Variants in KIF13A observed in about 807,000 individuals in gnomAD.
KIF13A encodes kinesin-like protein KIF13A.
KIF13A carries 79 observed loss-of-function variants against 212.2 expected under a neutral mutation model. The observed-to-expected ratio is 0.37, with a 90% confidence interval of 0.31 to 0.45. The LOEUF is 0.45. Ranked by LOEUF, KIF13A falls within the 20% of genes least tolerant of loss-of-function variation. KIF13A has a pLI of 1.00. For synonymous variants in KIF13A, 789 were observed against 808.6 expected, an observed-to-expected ratio of 0.98 and a Z score of 0.41; for missense variants, 1,901 against 2,209.0, an observed-to-expected ratio of 0.86 and a Z score of 2.79.
intron 32 of KIF13A, 136 bp from the exon 33 acceptor site, chr6:17,779,235 G>C (rs1376776059): frequency 1.2e-5 from 3 of 253,724 alleles, no homozygotes; most frequent in African/African-American, 1.1e-4. Context: ...TTTTAAAGTA[G>C]CATATATATA....
At position 17,836,963 on chromosome 6, in the gene KIF13A, A is replaced by C; in HGVS notation, c.1070T>G (p.Val357Gly). 6.2e-7 allele frequency: 1 copy of C among 1,613,824 alleles called. No homozygotes were observed. The highest frequency in any genetic ancestry group is 8.5e-7 in the Non-Finnish European group (1 of 1,179,860). ...TTTTGCGTTGGGGTCCTCATTCACA[A>C]CAGCATGGTTCACAATCCTTTTGGC... is the stretch of plus-strand genomic sequence containing the variant. ...DRAKRIVNHA[V>G]VNEDPNAKVI... Residue 357 changes from valine to glycine, a missense_variant, in exon 11 of 39, where the codon GTT (valine) becomes GGT (glycine). Val to Gly is a moderately radical substitution (Grantham distance 109). Transcript: ENST00000259711.
intron 38 of KIF13A, among the ~76,000 whole-genome samples, chr6:17,766,219 G>GATTGATTGATTT (rs1554158989): frequency 1.5e-4 from 22 of 144,656 alleles, no homozygotes; most frequent in African/African-American, 5.4e-4. Flanking sequence ...TTATTTTTAA[G>GATTGATTGATTT]ATTTATTTAT....
chr6:17,828,360 C>G lies in KIF13A; in HGVS notation c.1412G>C (p.Arg471Thr), dbSNP rs772022917. 3.7e-6 allele frequency: 6 copies of G among 1,609,446 alleles called. No individual in the cohort carries two copies. Among genetic ancestry groups the G allele is most frequent in the Non-Finnish European group, 5.1e-6 (6 of 1,178,094 alleles). The change falls in exon 14 of 39, where the codon AGG becomes ACG. Residue 471 changes from arginine to threonine, a missense_variant. Physicochemically the swap from Arg to Thr is moderately conservative, Grantham distance 71 (BLOSUM62 -1). This residue lies in a region of KIF13A where 506 missense variants were observed against 637.4 expected (regional missense o/e 0.79). Coordinates refer to ENST00000259711, the MANE Select transcript of KIF13A (RefSeq NM_022113.6). This position sits in a 1 kb window ranked among gnomAD's most constrained non-coding sequence, Gnocchi z 4.3. ...LLVYYLKDHT[R>T]VGADTSQDIQ... ...ATCTTGAGAGGTATCTGCACCCACC[C>G]TGGTGTGATCCTAGTAAAAGATTAT...
In KIF13A at chr6:17,829,143, C is replaced by G. The variant is rs1424814076; in HGVS notation, c.1402-773G>C. On this transcript the variant is annotated intron_variant, in intron 13 of 38. Coordinates refer to ENST00000259711, the MANE Select transcript of KIF13A (RefSeq NM_022113.6). The surrounding 1 kb of genome is among the most constrained non-coding windows in gnomAD (Gnocchi z 5.4). Reference sequence around the variant, plus strand: ...TTATTTTTAGTACAGATGGGGGTTTCACCATGTTCGCCAGCCTGGTCTTGA... The same window carrying G: ...TTATTTTTAGTACAGATGGGGGTTTGACCATGTTCGCCAGCCTGGTCTTGA... Among the ~76,000 whole-genome samples, 1 of 152,138 alleles carries G rather than the reference C, an allele frequency of 6.6e-6. No homozygotes were observed. The highest frequency in any genetic ancestry group is 2.4e-5 in the African/African-American group (1 of 41,434).
At chr6:17,805,675 C>T (rs1280240971) in intron 18 of KIF13A, 60 bp from the exon 19 acceptor site, 1 of 1,462,624 alleles carries the variant, frequency 6.8e-7, no homozygotes, top group Non-Finnish European at 9.3e-7. Context: ...ATTGCTAAAG[C>T]AATATATATA....
chr6:17,869,019 A>AACACAC (rs1554187444), intron 4 of KIF13A, among the ~76,000 whole-genome samples: 3 of 126,514 alleles, frequency 2.4e-5, no homozygotes, highest in Non-Finnish European at 3.4e-5. Context: ...AAAAAAAAAA[A>AACACAC]ACACAAATAA....
rs1761019684 is a variant in KIF13A at position 17,785,917 on chromosome 6, C to CA, written c.3362-277dup. Among the ~76,000 whole-genome samples, 2 of 151,984 alleles carry CA rather than the reference C, an allele frequency of 1.3e-5. No individual in the cohort carries two copies. The stretch of plus-strand genomic sequence containing the variant: ...GGGCAACAGACAAGAGACCCTGTCT[C>CA]AAAAAACAAGCAAACAAAAACAATA... On this transcript the variant is annotated intron_variant, in intron 27 of 38. Transcript: ENST00000259711. This position sits in a 1 kb window ranked among gnomAD's most constrained non-coding sequence, Gnocchi z 5.8.
rs560470160 is a variant in KIF13A at position 17,783,064 on chromosome 6, G to T, written c.3544+582C>A. On this transcript the variant is annotated intron_variant, in intron 29 of 38. Transcript: ENST00000259711. The surrounding 1 kb of genome is among the most constrained non-coding windows in gnomAD (Gnocchi z 4.3). ...AGGTTTTCAGGCTGTGTTTTGAGGA[G>T]CCCTAGGGCCCTGCCAAAGGATCTA... Among the ~76,000 whole-genome samples the T allele has an allele frequency of 6.6e-6, 1 of 152,200 alleles. No homozygotes were observed. The highest frequency in any genetic ancestry group is 1.5e-5 in the Non-Finnish European group (1 of 68,036).
At chr6:17,965,836 C>A (rs1220786353) in intron 2 of KIF13A, among the ~76,000 whole-genome samples, 1 of 152,174 alleles carries the variant, frequency 6.6e-6, no homozygotes, top group East Asian at 1.9e-4. Flanking sequence ...AAAAGACGTA[C>A]AATCTTTATT....
intron 3 of KIF13A, among the ~76,000 whole-genome samples, chr6:17,885,337 T>G (rs1332582392): frequency 6.6e-6 from 1 of 152,240 alleles, no homozygotes; most frequent in Non-Finnish European, 1.5e-5. Flanking sequence ...TATTGACAGA[T>G]CTACCTTCCC....
At position 17,808,933 on chromosome 6, in the gene KIF13A, G is replaced by C. The variant is rs1348169320; in HGVS notation, c.2001-3C>G. 1.3e-6 allele frequency: 2 copies of C among 1,594,750 alleles called. No individual in the cohort carries two copies. Among genetic ancestry groups the C allele is most frequent in the Admixed American group, 1.8e-5 (1 of 56,280 alleles). On this transcript the variant is annotated splice_polypyrimidine_tract_variant and splice_region_variant and intron_variant, in intron 17 of 38. Coordinates refer to ENST00000259711, the MANE Select transcript of KIF13A (RefSeq NM_022113.6). Reference sequence around the variant, plus strand: ...GGCTTTGTCGGAAGAGTTCATCCCTGCAGTGTCATAGAAAAGGGAACGAGA... The same window carrying C: ...GGCTTTGTCGGAAGAGTTCATCCCTCCAGTGTCATAGAAAAGGGAACGAGA...
chr6:17,778,564 A>C (rs1015048130), intron 33 of KIF13A, among the ~76,000 whole-genome samples: 3 of 152,188 alleles, frequency 2.0e-5, no homozygotes, highest in African/African-American at 7.2e-5. Flanking sequence ...TTTGGAGTCA[A>C]GCTACTTGGC....
rs1202055420 is a variant in KIF13A at position 17,809,956 on chromosome 6, G to C, written c.2001-1026C>G. 6.6e-6 allele frequency among the ~76,000 whole-genome samples: 1 copy of C among 152,138 alleles called. No individual in the cohort carries two copies. Among genetic ancestry groups the C allele is most frequent in the East Asian group, 1.9e-4 (1 of 5,200 alleles). On this transcript the variant is annotated intron_variant, in intron 17 of 38. Coordinates refer to ENST00000259711, the MANE Select transcript of KIF13A (RefSeq NM_022113.6). The surrounding 1 kb of genome is among the most constrained non-coding windows in gnomAD (Gnocchi z 4.7). The stretch of plus-strand genomic sequence containing the variant: ...AAAACCATATTACCAGCTGGGGGCA[G>C]TGGCTCATGGCTATAATCCCAACAC...
intron 28 of KIF13A, among the ~76,000 whole-genome samples, chr6:17,784,075 G>A (rs1213165587): frequency 1.3e-5 from 2 of 152,184 alleles, no homozygotes; most frequent in African/African-American, 4.8e-5. Context: ...TGAAAGATGT[G>A]TGAAAGGAGG....
At position 17,855,739 on chromosome 6, in the gene KIF13A, C is replaced by G; in HGVS notation, c.314-122G>C. Reference sequence around the variant, plus strand: ...CATAGCAGAAGAGTGGCCAACTTAGCCTCAAACCCTGTTGCTCAGGCTGGA... The same window carrying G: ...CATAGCAGAAGAGTGGCCAACTTAGGCTCAAACCCTGTTGCTCAGGCTGGA... On this transcript the variant is annotated intron_variant, in intron 5 of 38. Transcript: ENST00000259711. The surrounding 1 kb of genome is among the most constrained non-coding windows in gnomAD (Gnocchi z 4.1). 1.3e-6 allele frequency: 1 copy of G among 765,718 alleles called. No individual in the cohort carries two copies. The highest frequency in any genetic ancestry group is 2.1e-6 in the Non-Finnish European group (1 of 481,494). The allele number at this position is 765,718 out of a possible 1,614,324, so 47.4% of individuals were successfully genotyped here.
chr6:17,914,634 C>T lies in KIF13A; in HGVS notation c.147-16454G>A, dbSNP rs996118400. On this transcript the variant is annotated intron_variant, in intron 2 of 38. Coordinates refer to ENST00000259711, the MANE Select transcript of KIF13A (RefSeq NM_022113.6). The surrounding 1 kb of genome is among the most constrained non-coding windows in gnomAD (Gnocchi z 5.9). ...AACAACACAGAGACGACTCTAGTCA[C>T]GGGTCACAGGCATCAGGTAAAGTGT... Among the ~76,000 whole-genome samples, 4 of 152,094 alleles carry T rather than the reference C, an allele frequency of 2.6e-5. No homozygotes were observed. Among genetic ancestry groups the T allele is most frequent in the Admixed American group, 1.3e-4 (2 of 15,264 alleles).
chr6:17,955,803 A>G (rs544340677), intron 2 of KIF13A, among the ~76,000 whole-genome samples: 1 of 152,314 alleles, frequency 6.6e-6, no homozygotes, highest in South Asian at 2.1e-4. Context: ...GTTTGTTTCC[A>G]TGCATTAACC....
chr6:17,779,624 C>T lies in KIF13A; in HGVS notation c.3907G>A (p.Val1303Ile). Residue 1303 changes from valine to isoleucine, a missense_variant, in exon 32 of 39, where the codon GTA becomes ATA. Transcript: ENST00000259711. ...ATATTGGATACTATTTCATAGGTTACACCACAGGAATAAAATATATTTTTC... is the reference window on the plus strand; with the variant it reads ...ATATTGGATACTATTTCATAGGTTATACCACAGGAATAAAATATATTTTTC... ...SLKNIFYSCG[V>I]TYEIVSNIPK... 6.6e-7 allele frequency: 1 copy of T among 1,516,708 alleles called. No homozygotes were observed. The highest frequency in any genetic ancestry group is 9.1e-7 in the Non-Finnish European group (1 of 1,101,128). 94.0% of individuals were successfully genotyped at this position (1,516,708 alleles called of 1,614,324 possible). A position where few individuals can be genotyped will look rare whatever the true frequency, so the allele number is the denominator to read the frequency against.
intron 2 of KIF13A, among the ~76,000 whole-genome samples, chr6:17,939,081 T>C (rs1181905015): frequency 6.6e-6 from 1 of 152,186 alleles, no homozygotes; most frequent in Non-Finnish European, 1.5e-5. Flanking sequence ...AGTAAAAGTA[T>C]AAACAGAAAC....
Sources: gnomAD v4.1 joint callset for allele counts (sites outside exome capture counted in the v4.1 genomes callset) on GRCh38, gnomAD v4.1.1 for gene constraint, gnomAD v4.1.1 regional missense constraint, Gnocchi (gnomAD v3.1) non-coding constraint, MANE v1.5 for transcripts, NCBI Gene and HGNC (gene_info 2026-07-23, HGNC 2026-07-21) for gene names.